The following ACOT7 variants were observed in gnomAD, a reference collection of about 807,000 sequenced individuals.
ACOT7 encodes acyl-CoA thioesterase 7.
In ACOT7, 12 loss-of-function variants were observed where a neutral mutation model predicts 40.2. The observed-to-expected ratio is 0.30, with a 90% CI of 0.19 to 0.48. ACOT7 has a LOEUF of 0.48. Among genes scored for constraint, ACOT7 ranks in the 20% least tolerant of loss-of-function variants. ACOT7 has a pLI of 0.99. For missense variants in ACOT7, 395 were observed against 530.8 expected, an observed-to-expected ratio of 0.74 and a Z score of 2.51; for synonymous variants, 228 against 219.5, an observed-to-expected ratio of 1.04 and a Z score of -0.34.
rs1003308953 is a variant in ACOT7, at chr1:6,388,117, C to CT, written c.143+5139dup. 9.4e-5 allele frequency among the ~76,000 whole-genome samples: 14 copies of CT among 148,998 alleles called. 1 individual carries two copies. The South Asian group carries it at 1.7e-3, about 18-fold the overall frequency. ...CACTACGCCCAGCTAACTTTTTTTT[C>CT]TTTTTTTTTGAGACCAAGTCTCACT... On this transcript the variant is annotated intron_variant, in intron 1 of 8. Coordinates refer to ENST00000361521, the MANE Select transcript of ACOT7 (RefSeq NM_007274.4).
intron 6 of ACOT7, among the ~76,000 whole-genome samples, chr1:6,304,390 G>GTT (rs1365822834): frequency 1.5e-5 from 2 of 136,630 alleles, no homozygotes; most frequent in Admixed American, 1.4e-4. Flanking sequence ...AGAAAAGTAC[G>GTT]TTCTTTTTTT....
Position 6,393,279 on chromosome 1 carries a change from G to A in ACOT7, c.121C>T (p.Pro41Ser). The stretch of plus-strand genomic sequence containing the variant: ...TACCGGCAGATCTGGATGGCGGACG[G>A]CGTCTCGACGTCTGGGCCCGACATG... ...PSMSGPDVET[P>S]SAIQICRIMR... The change falls in exon 1 of 9, where the codon CCG becomes TCG. Residue 41 changes from proline (P) to serine (S), a missense_variant. Physicochemically the swap from Pro to Ser is moderately conservative, Grantham distance 74 (BLOSUM62 -1). Transcript: ENST00000361521. The A allele has an allele frequency of 1.6e-6, 2 of 1,284,152 alleles. No individual in the cohort carries two copies. Among genetic ancestry groups the A allele is most frequent in the Non-Finnish European group, 9.9e-7 (1 of 1,015,048 alleles). The allele number at this position is 1,284,152 out of a possible 1,614,324, so 79.5% of individuals were successfully genotyped here.
chr1:6,310,590 G>A (rs1057386408), intron 6 of ACOT7, among the ~76,000 whole-genome samples: 1 of 152,224 alleles, frequency 6.6e-6, no homozygotes, highest in African/African-American at 2.4e-5. Flanking sequence ...CTACACTCTA[G>A]CTGTGGGTTT....
At chr1:6,300,874 G>A (rs565700162) in intron 6 of ACOT7, among the ~76,000 whole-genome samples, 53 of 152,326 alleles carry the variant, frequency 3.5e-4, no homozygotes, top group African/African-American at 1.2e-3. Context: ...GACAACACCC[G>A]ATGAGGCAGC....
intron 7 of ACOT7, among the ~76,000 whole-genome samples, chr1:6,286,701 T>A (rs997506739): frequency 6.6e-6 from 1 of 152,140 alleles, no homozygotes; most frequent in African/African-American, 2.4e-5. Context: ...TGGCTCTCCT[T>A]CATCAGGGGC....
intron 1 of ACOT7, chr1:6,385,484 G>C: frequency 6.2e-7 from 1 of 1,605,666 alleles, no homozygotes; most frequent in East Asian, 2.2e-5. Flanking sequence ...AATATTCCCA[G>C]TCATCCTACC....
chr1:6,285,153 C>A (rs898198357), intron 7 of ACOT7, among the ~76,000 whole-genome samples: 6 of 152,320 alleles, frequency 3.9e-5, no homozygotes, highest in Admixed American at 3.3e-4. Flanking sequence ...CAGGCTGGAC[C>A]CCTCTGGGGA....
At chr1:6,318,672 A>G in intron 5 of ACOT7, 94 bp from the exon 6 acceptor site, 2 of 1,271,640 alleles carry the variant, frequency 1.6e-6, no homozygotes, top group Non-Finnish European at 2.2e-6. Flanking sequence ...AGGTCTACAC[A>G]GTCAACGAAG....
chr1:6,390,090 T>C (rs1360627797), intron 1 of ACOT7, among the ~76,000 whole-genome samples: 4 of 152,176 alleles, frequency 2.6e-5, no homozygotes, highest in African/African-American at 9.7e-5. Context: ...CTCTCCAGTG[T>C]CCTGCGGTTT....
chr1:6,284,646 C>T (rs112131077), intron 7 of ACOT7, among the ~76,000 whole-genome samples: 10 of 151,400 alleles, frequency 6.6e-5, no homozygotes, highest in African/African-American at 2.2e-4. Flanking sequence ...CCCAGGATGG[C>T]GGCTGAGGCG....
At chr1:6,331,793 C>T (rs1640960338) in intron 4 of ACOT7, among the ~76,000 whole-genome samples, 1 of 152,220 alleles carries the variant, frequency 6.6e-6, no homozygotes, top group Non-Finnish European at 1.5e-5. Context: ...ACCCGGCAGC[C>T]AGCCACACCC....
intron 7 of ACOT7, among the ~76,000 whole-genome samples, chr1:6,285,259 C>T (rs1639471024): frequency 6.6e-6 from 1 of 152,220 alleles, no homozygotes; most frequent in Admixed American, 6.5e-5. Flanking sequence ...TTGCATCCTC[C>T]TGAAGTGGAT....
intron 1 of ACOT7, among the ~76,000 whole-genome samples, chr1:6,367,292 A>T (rs1642031492): frequency 1.3e-5 from 2 of 151,270 alleles, no homozygotes. Context: ...TTGTTATGGG[A>T]TCTTTGGGGT....
At chr1:6,328,508 C>G (rs369562068) in intron 4 of ACOT7, among the ~76,000 whole-genome samples, 4 of 151,898 alleles carry the variant, frequency 2.6e-5, no homozygotes, top group Non-Finnish European at 5.9e-5. Context: ...ATGGTGAAAC[C>G]CCGCCTCTAC....
intron 5 of ACOT7, among the ~76,000 whole-genome samples, chr1:6,323,667 G>A (rs1343564303): frequency 1.4e-5 from 2 of 138,060 alleles, no homozygotes; most frequent in Non-Finnish European, 3.0e-5. Flanking sequence ...GCAGTGAGCC[G>A]AGATCGCACC....
intron 1 of ACOT7, among the ~76,000 whole-genome samples, chr1:6,371,510 G>A (rs991680995): frequency 6.6e-6 from 1 of 151,796 alleles, no homozygotes; most frequent in African/African-American, 2.4e-5. Flanking sequence ...CTACAGGCAA[G>A]TGCCACCACA....
chr1:6,391,079 T>TGA (rs1305222846), intron 1 of ACOT7, among the ~76,000 whole-genome samples: 1 of 152,062 alleles, frequency 6.6e-6, no homozygotes, highest in Non-Finnish European at 1.5e-5. Context: ...GAGGATCACC[T>TGA]GAGGTCAGGA....
chr1:6,301,138 C>G lies in ACOT7; in HGVS notation c.713-6158G>C, dbSNP rs1475064999. Among the ~76,000 whole-genome samples, 1 of 152,164 alleles carries G rather than the reference C, an allele frequency of 6.6e-6. No individual in the cohort carries two copies. Among genetic ancestry groups the G allele is most frequent in the Non-Finnish European group, 1.5e-5 (1 of 68,026 alleles). ...TGGCCACCAGCTGGTGTCATCAACTCAGGGTGGTTTAGCTGTGGGGGAAGG... is the reference window on the plus strand; with the variant it reads ...TGGCCACCAGCTGGTGTCATCAACTGAGGGTGGTTTAGCTGTGGGGGAAGG... On this transcript the variant is annotated intron_variant, in intron 6 of 8. Transcript: ENST00000361521. This position sits in a 1 kb window ranked among gnomAD's most constrained non-coding sequence, Gnocchi z 4.1.
intron 3 of ACOT7, among the ~76,000 whole-genome samples, chr1:6,336,333 CAA>C (rs3029068): frequency 1.5e-3 from 77 of 52,752 alleles, no homozygotes; most frequent in Middle Eastern, 0.012. Context: ...GACTCGGTCT[CAA>C]AAAAAAAAAA....
Sources: gnomAD v4.1 joint callset for allele counts (sites outside exome capture counted in the v4.1 genomes callset) on GRCh38, gnomAD v4.1.1 for gene constraint, Gnocchi (gnomAD v3.1) non-coding constraint, MANE v1.5 for transcripts, NCBI Gene and HGNC (gene_info 2026-07-23, HGNC 2026-07-21) for gene names.